Variants in CNTFR observed in about 807,000 individuals in gnomAD.
CNTFR encodes the protein ciliary neurotrophic factor receptor, also known as ciliary neurotrophic factor receptor subunit alpha.
In CNTFR, 12 loss-of-function variants were observed where a neutral mutation model predicts 40.4. That is an observed-to-expected ratio of 0.30 (90% CI 0.19 to 0.48). The LOEUF is 0.48. Ranked by LOEUF, CNTFR falls within the 20% of genes least tolerant of loss-of-function variation. CNTFR has a pLI of 0.99. For missense variants in CNTFR, 414 were observed against 506.8 expected (o/e 0.82, Z 1.76); for synonymous variants, 202 against 209.6 (o/e 0.96, Z 0.31).
intron 7 of CNTFR, among the ~76,000 whole-genome samples, chr9:34,555,282 G>A (rs1423337831): frequency 6.6e-6 from 1 of 152,184 alleles, no homozygotes; most frequent in Admixed American, 6.5e-5. Context: ...CAGGCACCCA[G>A]GAATCGAATT....
In CNTFR at chr9:34,564,662, G is replaced by T; in HGVS notation, c.256C>A (p.Leu86Ile). The T allele has an allele frequency of 1.5e-5, 24 of 1,613,904 alleles. No homozygotes were observed. The highest frequency in any genetic ancestry group is 2.0e-5 in the Non-Finnish European group (24 of 1,179,920). Residue 86 changes from leucine to isoleucine, a missense_variant, in exon 4 of 10, where the codon CTC (leucine) becomes ATC (isoleucine). By Grantham distance (5) the Leu-to-Ile change is conservative (BLOSUM62 2). Transcript: ENST00000378980. The part of the protein sequence containing the change: ...LHGLELGHSG[L>I]YACFHRDSWH... ...GAGTCACGGTGGAAGCAGGCGTAGA[G>T]GCCACTGTGGCCCAGTTCCAGGCCA...
At chr9:34,555,818 T>C (rs16931596) in intron 7 of CNTFR, among the ~76,000 whole-genome samples, 9,629 of 151,164 alleles carry the variant, frequency 0.064, 815 homozygotes, top group African/African-American at 0.18. Context: ...TGGGCCAGAG[T>C]GTAAAGAGGG....
At chr9:34,559,548 G>A (rs987216274) in intron 4 of CNTFR, among the ~76,000 whole-genome samples, 7 of 152,118 alleles carry the variant, frequency 4.6e-5, no homozygotes, top group Admixed American at 1.3e-4. Context: ...ATCTCATGTC[G>A]TTCCATGTTC....
At chr9:34,572,425 T>G (rs1826708202) in intron 2 of CNTFR, among the ~76,000 whole-genome samples, 1 of 152,100 alleles carries the variant, frequency 6.6e-6, no homozygotes, top group South Asian at 2.1e-4. Flanking sequence ...GAGCCCCAGA[T>G]AAGGGCTCTG....
chr9:34,584,544 C>G (rs1051841874), intron 1 of CNTFR, among the ~76,000 whole-genome samples: 1 of 152,176 alleles, frequency 6.6e-6, no homozygotes, highest in Non-Finnish European at 1.5e-5. Context: ...CATTAATAAC[C>G]AATACAGACA....
intron 4 of CNTFR, among the ~76,000 whole-genome samples, chr9:34,561,346 G>A (rs1031418044): frequency 6.6e-6 from 1 of 152,186 alleles, no homozygotes; most frequent in African/African-American, 2.4e-5. Context: ...AACTGGAGAA[G>A]GAACTGTCCA....
intron 4 of CNTFR, 100 bp downstream of exon 4, chr9:34,564,499 C>A: frequency 8.9e-7 from 1 of 1,126,318 alleles, no homozygotes; most frequent in Non-Finnish European, 1.3e-6. Context: ...CAGCTCTCCC[C>A]TCTCCATGTC....
At chr9:34,561,472 C>A (rs1180461922) in intron 4 of CNTFR, among the ~76,000 whole-genome samples, 7 of 152,134 alleles carry the variant, frequency 4.6e-5, no homozygotes, top group Non-Finnish European at 1.0e-4. Context: ...ATCCTGCTTC[C>A]TAATGTGGGG....
At chr9:34,588,412 GAC>G (rs1366218532) in intron 1 of CNTFR, among the ~76,000 whole-genome samples, 1 of 152,110 alleles carries the variant, frequency 6.6e-6, no homozygotes, top group African/African-American at 2.4e-5. Flanking sequence ...CAGATGCACA[GAC>G]ACACCCAGCA....
In CNTFR at chr9:34,568,857, C is replaced by A. The variant is rs1356821661; in HGVS notation, c.85+40G>T. On this transcript the variant is annotated intron_variant, in intron 3 of 9. Coordinates refer to ENST00000378980, the MANE Select transcript of CNTFR (RefSeq NM_147164.3). ...TGCCAGTGAGGGTTCATGCCCAGCT[C>A]TGAGAGGGGGGTCAGCAGGCGGCTC... 3.2e-6 allele frequency: 5 copies of A among 1,539,634 alleles called. No individual in the cohort carries two copies. The African/African-American group carries it at 6.9e-5, about 21-fold the overall frequency.
chr9:34,575,824 T>C (rs1476503830), intron 2 of CNTFR, among the ~76,000 whole-genome samples: 2 of 152,122 alleles, frequency 1.3e-5, no homozygotes, highest in Non-Finnish European at 2.9e-5. Context: ...ATGTCTTCTG[T>C]GTTCTGTTCT....
At position 34,552,120 on chromosome 9, in the gene CNTFR, T is replaced by C. The variant is rs758960307; in HGVS notation, c.1118+41A>G. Reference sequence around the variant, plus strand: ...TCAGGGAGGGGGCTGGAGTGGGGGTTCCCTCAGGCTCCCTCTGCCACCCAG... The same window carrying C: ...TCAGGGAGGGGGCTGGAGTGGGGGTCCCCTCAGGCTCCCTCTGCCACCCAG... On this transcript the variant is annotated intron_variant, in intron 9 of 9. Transcript: ENST00000378980. This position sits in a 1 kb window ranked among gnomAD's most constrained non-coding sequence, Gnocchi z 5.1. The C allele has an allele frequency of 4.1e-5, 66 of 1,592,452 alleles. No homozygotes were observed. Among genetic ancestry groups the C allele is most frequent in the Non-Finnish European group, 5.5e-5 (64 of 1,169,538 alleles).
Position 34,551,969 on chromosome 9 carries a change from G to A in CNTFR, c.*102C>T. 1.3e-6 allele frequency: 1 copy of A among 761,350 alleles called. No individual in the cohort carries two copies. The highest frequency in any genetic ancestry group is 2.3e-6 in the Non-Finnish European group (1 of 426,840). The allele number at this position is 761,350 out of a possible 1,614,324, so 47.2% of individuals were successfully genotyped here. A position where few individuals can be genotyped will look rare whatever the true frequency, so the allele number is the denominator to read the frequency against. ...ATTGTGTCTGAAGAGAATGCAAAAG[G>A]TCCTCCTGCCCGTGTGCAAAATAGA... On this transcript the variant is annotated 3_prime_UTR_variant, in exon 10 of 10. Transcript: ENST00000378980.
intron 2 of CNTFR, among the ~76,000 whole-genome samples, chr9:34,570,545 T>C (rs573816849): frequency 6.6e-6 from 1 of 151,722 alleles, no homozygotes; most frequent in South Asian, 2.1e-4. Flanking sequence ...CAAACAGGCG[T>C]ACACCCAGAA....
rs369020206 is a variant in CNTFR, at chr9:34,570,893, T to G, written c.1-1912A>C. 3.3e-5 allele frequency among the ~76,000 whole-genome samples: 5 copies of G among 152,202 alleles called. No homozygotes were observed. In the East Asian group the frequency reaches 9.6e-4, roughly 29 times the overall value. ...CTTCCTGTGGGAGAGGGCTCCTGCC[T>G]GCCTTTTGCTACCCTTGACCCTCTC... On this transcript the variant is annotated intron_variant, in intron 2 of 9. Coordinates refer to ENST00000378980, the MANE Select transcript of CNTFR (RefSeq NM_147164.3).
chr9:34,579,698 G>T (rs556758915), intron 2 of CNTFR, among the ~76,000 whole-genome samples: 1 of 152,244 alleles, frequency 6.6e-6, no homozygotes, highest in South Asian at 2.1e-4. Context: ...GGGCAGCAGG[G>T]AGAAGCCCAG....
At chr9:34,585,937 G>C (rs542205718) in intron 1 of CNTFR, among the ~76,000 whole-genome samples, 1 of 152,222 alleles carries the variant, frequency 6.6e-6, no homozygotes, top group South Asian at 2.1e-4. Flanking sequence ...CTCGCCATGG[G>C]GGGGCAGAGA....
chr9:34,552,756 T>G lies in CNTFR; in HGVS notation c.867A>C (p.Thr289=). Reference sequence around the variant, plus strand: ...GGGCGGCTACGCTCCAGTCACTCCATGTCCCAATCTCATTGTCCTTGGCTG... The same window carrying G: ...GGGCGGCTACGCTCCAGTCACTCCAGGTCCCAATCTCATTGTCCTTGGCTG... ...QVAAKDNEIG[T]WSDWSVAAHA... Residue 289 remains threonine, a synonymous_variant, in exon 8 of 10, where the codon ACA becomes ACC. Coordinates refer to ENST00000378980, the MANE Select transcript of CNTFR (RefSeq NM_147164.3). The surrounding 1 kb of genome is among the most constrained non-coding windows in gnomAD (Gnocchi z 5.1). 1 of 1,613,802 alleles carries G rather than the reference T, an allele frequency of 6.2e-7. No individual in the cohort carries two copies. Among genetic ancestry groups the G allele is most frequent in the Non-Finnish European group, 8.5e-7 (1 of 1,179,928 alleles).
At chr9:34,568,812 G>C in intron 3 of CNTFR, 85 bp downstream of exon 3, 1 of 1,219,894 alleles carries the variant, frequency 8.2e-7, no homozygotes, top group Non-Finnish European at 1.2e-6. Context: ...TGACTCTTGG[G>C]TAGTGTCAGG....
Sources: gnomAD v4.1 joint callset for allele counts (sites outside exome capture counted in the v4.1 genomes callset) on GRCh38, gnomAD v4.1.1 for gene constraint, Gnocchi (gnomAD v3.1) non-coding constraint, MANE v1.5 for transcripts, NCBI Gene and HGNC (gene_info 2026-07-23, HGNC 2026-07-21) for gene names.